The following UBR2 variants were observed in gnomAD, a reference collection of about 807,000 sequenced individuals.
The protein encoded by UBR2 is ubiquitin protein ligase E3 component n-recognin 2.
UBR2 carries 92 observed loss-of-function variants against 247.9 expected under a neutral mutation model. The observed-to-expected ratio is 0.37, with a 90% CI of 0.31 to 0.44. UBR2 has a LOEUF of 0.44. UBR2 is among the 20% of genes least tolerant of loss of function. The pLI is 1.00. For missense variants in UBR2, 1,613 were observed against 2,112.6 expected, an observed-to-expected ratio of 0.76 and a Z score of 4.64; for synonymous variants, 672 against 693.5, an observed-to-expected ratio of 0.97 and a Z score of 0.49.
intron 11 of UBR2, among the ~76,000 whole-genome samples, chr6:42,627,562 A>G (rs980236244): frequency 2.0e-5 from 3 of 152,030 alleles, no homozygotes; most frequent in Non-Finnish European, 2.9e-5. Flanking sequence ...CAGTGGTGCA[A>G]TCGTGGCCCA....
intron 11 of UBR2, among the ~76,000 whole-genome samples, chr6:42,630,176 TATTATTTA>T (rs1447253112): frequency 6.6e-6 from 1 of 151,050 alleles, no homozygotes; most frequent in Non-Finnish European, 1.5e-5. Context: ...ACCACTCTAT[TATTATTTA>T]CTTTTTTTTT....
chr6:42,691,264 ATTCTTT>A lies in UBR2; in HGVS notation c.*92_*97del. ...GAAGTTCTGCTGAATTTGGAAATAA[ATTCTTT>A]ATTTAAACTTTCCTTCCCAGTTTTA... On this transcript the variant is annotated 3_prime_UTR_variant, in exon 47 of 47. Coordinates refer to ENST00000372901, the MANE Select transcript of UBR2 (RefSeq NM_001363705.2). 6.5e-7 allele frequency: 1 copy of A among 1,540,880 alleles called. No individual in the cohort carries two copies. Among genetic ancestry groups the A allele is most frequent in the Non-Finnish European group, 8.8e-7 (1 of 1,136,112 alleles).
chr6:42,614,177 CAAAAAAAAAA>C (rs1167450076), intron 8 of UBR2, among the ~76,000 whole-genome samples: 1 of 11,392 alleles, frequency 8.8e-5, no homozygotes, highest in Admixed American at 1.3e-3. Context: ...ACTCTGTCTC[CAAAAAAAAAA>C]AAAAAAAAAA....
chr6:42,657,254 A>AAT (rs1270039263), intron 26 of UBR2, among the ~76,000 whole-genome samples: 1 of 148,906 alleles, frequency 6.7e-6, no homozygotes, highest in African/African-American at 2.4e-5. Flanking sequence ...AAAAAAAAAA[A>AAT]TTAGGTTCTC....
intron 1 of UBR2, among the ~76,000 whole-genome samples, chr6:42,569,940 C>G (rs1161729749): frequency 6.6e-6 from 1 of 152,206 alleles, no homozygotes; most frequent in East Asian, 1.9e-4. Context: ...ATGCTTATTA[C>G]TCTCTTATGC....
intron 7 of UBR2, among the ~76,000 whole-genome samples, chr6:42,609,300 G>A (rs57484438): frequency 0.023 from 3,553 of 152,208 alleles, 125 homozygotes; most frequent in African/African-American, 0.08. Flanking sequence ...GAGGACTGGA[G>A]ACAGAGACGA....
chr6:42,640,383 G>GGTGTGTGTGTGTGT (rs61668810), intron 16 of UBR2, 113 bp downstream of exon 16: 61 of 174,382 alleles, frequency 3.5e-4, no homozygotes, highest in Admixed American at 7.1e-4. Flanking sequence ...GAACCAGTAA[G>GGTGTGTGTGTGTGT]GTGTGTGTGT....
rs143106464 is a variant in UBR2, at chr6:42,677,552, C to T, written c.4478+679C>T. On this transcript the variant is annotated intron_variant, in intron 40 of 46. Coordinates refer to ENST00000372901, the MANE Select transcript of UBR2 (RefSeq NM_001363705.2). ...CAGCACTTTGGGAGAATGAGGCTGG[C>T]AGATTGCTTGAGCCCAGGCATTTGA... is the stretch of plus-strand genomic sequence containing the variant. 8.7e-4 allele frequency among the ~76,000 whole-genome samples: 132 copies of T among 152,292 alleles called. 1 individual carries two copies. Among genetic ancestry groups the T allele is most frequent in the African/African-American group, 3.1e-3 (127 of 41,572 alleles).
intron 40 of UBR2, 83 bp downstream of exon 40, chr6:42,676,956 TAG>T: frequency 8.7e-7 from 1 of 1,155,390 alleles, no homozygotes; most frequent in Non-Finnish European, 1.3e-6. Flanking sequence ...GTTTGTTAAT[TAG>T]GGGAATTTGT....
intron 4 of UBR2, among the ~76,000 whole-genome samples, chr6:42,596,024 G>C (rs569498844): frequency 6.6e-6 from 1 of 150,846 alleles, no homozygotes; most frequent in African/African-American, 2.4e-5. Flanking sequence ...TGAAAAAAAA[G>C]AATTGTGCTT....
intron 25 of UBR2, among the ~76,000 whole-genome samples, chr6:42,654,397 G>C (rs1202645429): frequency 2.0e-5 from 3 of 152,198 alleles, no homozygotes; most frequent in African/African-American, 7.2e-5. Context: ...TGAAGGGAAA[G>C]ATACAGAGAC....
At chr6:42,672,847 AG>A (rs1798524441) in intron 36 of UBR2, among the ~76,000 whole-genome samples, 1 of 152,006 alleles carries the variant, frequency 6.6e-6, no homozygotes, top group African/African-American at 2.4e-5. Flanking sequence ...TGAGAGCAGG[AG>A]GGGGAGAATG....
chr6:42,663,024 C>T (rs1300300366), intron 31 of UBR2, among the ~76,000 whole-genome samples: 1 of 150,960 alleles, frequency 6.6e-6, no homozygotes, highest in Non-Finnish European at 1.5e-5. Context: ...ATTTTTGTTG[C>T]TGCTTTGTGA....
intron 7 of UBR2, among the ~76,000 whole-genome samples, chr6:42,607,107 A>G (rs1793749288): frequency 6.6e-6 from 1 of 152,164 alleles, no homozygotes; most frequent in Non-Finnish European, 1.5e-5. Context: ...TTTAGAAATT[A>G]GAATTTATTT....
At chr6:42,572,207 AAACTCTTTCACC>A (rs1457275939) in intron 1 of UBR2, among the ~76,000 whole-genome samples, 1 of 152,216 alleles carries the variant, frequency 6.6e-6, no homozygotes, top group East Asian at 1.9e-4. Flanking sequence ...TTAAGCATGA[AAACTCTTTCACC>A]GTTTTTGGTT....
chr6:42,575,852 T>G (rs1392940708), intron 2 of UBR2, among the ~76,000 whole-genome samples: 1 of 152,218 alleles, frequency 6.6e-6, no homozygotes, highest in African/African-American at 2.4e-5. Flanking sequence ...TTGAGACTAT[T>G]AAGTATCCTC....
At chr6:42,602,607 TTGTGTG>T (rs145962701) in intron 4 of UBR2, among the ~76,000 whole-genome samples, 1 of 149,682 alleles carries the variant, frequency 6.7e-6, no homozygotes, top group African/African-American at 2.4e-5. Flanking sequence ...ATATGTGTTT[TTGTGTG>T]TGTGTGTGTG....
chr6:42,604,120 A>G (rs1277799398), intron 5 of UBR2, among the ~76,000 whole-genome samples: 3 of 152,218 alleles, frequency 2.0e-5, no homozygotes, highest in African/African-American at 4.8e-5. Flanking sequence ...CTCAAATTCA[A>G]TTTTAATCAT....
intron 1 of UBR2, among the ~76,000 whole-genome samples, chr6:42,573,324 C>T (rs1022325758): frequency 2.6e-5 from 4 of 152,124 alleles, no homozygotes; most frequent in African/African-American, 4.8e-5. Flanking sequence ...TCATATTCAC[C>T]GTACACTCTT....
Sources: gnomAD v4.1 joint callset for allele counts (sites outside exome capture counted in the v4.1 genomes callset) on GRCh38, gnomAD v4.1.1 for gene constraint, MANE v1.5 for transcripts, NCBI Gene and HGNC (gene_info 2026-07-23, HGNC 2026-07-21) for gene names.